PCSK5: variants seen among roughly 807,000 people sequenced by gnomAD.
PCSK5 encodes prohormone convertase 5.
Under a neutral mutation model 233.2 loss-of-function variants are expected in PCSK5, and 129 were observed. That is an observed-to-expected ratio of 0.55 (90% CI 0.48 to 0.64). The LOEUF (loss-of-function observed/expected upper bound fraction) is 0.64, where lower values mean the gene tolerates loss of function less well. Ranked by LOEUF, PCSK5 falls within the 30% of genes least tolerant of loss-of-function variation. PCSK5 has a pLI of 0.00. For missense variants in PCSK5, 2,076 were observed against 2,430.1 expected (o/e 0.85, Z 3.06); for synonymous variants, 825 against 879.2 (o/e 0.94, Z 1.09).
Position 76,296,813 on chromosome 9 carries a change from T to C in PCSK5, c.3471T>C (p.Arg1157=). 1 of 1,612,386 alleles carries C rather than the reference T, an allele frequency of 6.2e-7. No homozygotes were observed. The highest frequency in any genetic ancestry group is 8.5e-7 in the Non-Finnish European group (1 of 1,179,672). ...SSCQEGLQLL[R]GMCVHATKTQ... is the part of the protein sequence containing the mutation. ...GCCAGGAAGGACTGCAGCTGCTGCG[T>C]GGGATGTGCGTGCATGCCACCAAGA... Residue 1157 remains arginine, a synonymous_variant, in exon 27 of 38, where the codon CGT becomes CGC. Transcript: ENST00000674117.
chr9:75,946,213 A>G (rs75708096), intron 2 of PCSK5, among the ~76,000 whole-genome samples: 8,928 of 152,310 alleles, frequency 0.059, 841 homozygotes, highest in African/African-American at 0.2. Flanking sequence ...TCTAGTACTG[A>G]CATCATTTTA....
At chr9:76,076,226 G>C (rs1378667087) in intron 7 of PCSK5, among the ~76,000 whole-genome samples, 1 of 152,086 alleles carries the variant, frequency 6.6e-6, no homozygotes, top group Non-Finnish European at 1.5e-5. Context: ...GGTGCTGGGG[G>C]CAAGGTGGAA....
At chr9:75,936,093 C>T (rs779192273) in intron 2 of PCSK5, among the ~76,000 whole-genome samples, 4 of 152,226 alleles carry the variant, frequency 2.6e-5, no homozygotes, top group African/African-American at 7.2e-5. Context: ...AATAGCATTA[C>T]GTCTGAAAAA....
At chr9:75,921,010 AG>A (rs1368601654) in intron 1 of PCSK5, among the ~76,000 whole-genome samples, 1 of 152,146 alleles carries the variant, frequency 6.6e-6, no homozygotes, top group African/African-American at 2.4e-5. Context: ...GAAACATGCC[AG>A]TTAACATTAG....
intron 3 of PCSK5, among the ~76,000 whole-genome samples, chr9:75,994,272 GA>G (rs1382880994): frequency 6.6e-6 from 1 of 151,820 alleles, no homozygotes; most frequent in African/African-American, 2.4e-5. Context: ...TTTACCTCTT[GA>G]GTCAGTTGCC....
chr9:75,994,400 C>CTTTTTTTTTTTTTTTTTTTTTT (rs550518074), intron 3 of PCSK5, among the ~76,000 whole-genome samples: 13 of 82,044 alleles, frequency 1.6e-4, no homozygotes, highest in Non-Finnish European at 2.6e-4. Flanking sequence ...TTCTTTCTTT[C>CTTTTTTTTTTTTTTTTTTTTTT]TTTTTTTTTT....
At chr9:76,035,651 T>C (rs1445778369) in intron 5 of PCSK5, among the ~76,000 whole-genome samples, 1 of 152,182 alleles carries the variant, frequency 6.6e-6, no homozygotes, top group African/African-American at 2.4e-5. Context: ...TTACAGCAGA[T>C]GGAAATCGCA....
At chr9:76,136,100 A>G (rs781533804) in intron 10 of PCSK5, among the ~76,000 whole-genome samples, 1 of 152,022 alleles carries the variant, frequency 6.6e-6, no homozygotes, top group African/African-American at 2.4e-5. Context: ...AAGAGTAACA[A>G]TTAAAGTTTG....
chr9:75,918,883 C>A (rs1823120469), intron 1 of PCSK5, among the ~76,000 whole-genome samples: 1 of 152,146 alleles, frequency 6.6e-6, no homozygotes, highest in Non-Finnish European at 1.5e-5. Context: ...CAAATAACTT[C>A]TTAATGTTTT....
chr9:76,246,787 A>G (rs1258774690), intron 24 of PCSK5, among the ~76,000 whole-genome samples: 1 of 152,226 alleles, frequency 6.6e-6, no homozygotes, highest in Non-Finnish European at 1.5e-5. Context: ...TGGTGATTTC[A>G]TGACACACTG....
At chr9:76,129,642 A>G (rs1564048870) in intron 9 of PCSK5, among the ~76,000 whole-genome samples, 1 of 152,150 alleles carries the variant, frequency 6.6e-6, no homozygotes, top group Non-Finnish European at 1.5e-5. Context: ...TTTAAAGACC[A>G]CCAGACACAG....
At chr9:76,009,767 A>G (rs985584508) in intron 3 of PCSK5, among the ~76,000 whole-genome samples, 1 of 152,242 alleles carries the variant, frequency 6.6e-6, no homozygotes, top group Non-Finnish European at 1.5e-5. Context: ...TACATGGAGC[A>G]ATCACAAAAG....
Position 76,358,727 on chromosome 9 carries a change from T to C in PCSK5, c.5469T>C (p.Tyr1823=), listed in dbSNP as rs1830366170. The C allele has an allele frequency of 6.2e-7, 1 of 1,612,776 alleles. No homozygotes were observed. Among genetic ancestry groups the C allele is most frequent in the South Asian group, 1.1e-5 (1 of 91,058 alleles). The change falls in exon 38 of 38, where the codon TAT becomes TAC. Residue 1823 remains tyrosine (Y), a synonymous_variant. Transcript: ENST00000674117. ...CTTACTCCTCCTATAAGAGCAGCTA[T>C]AGAGAGAGCACCAGCTTTGAAGAGG... The part of the protein sequence containing the change: ...NKSYSSYKSS[Y]RESTSFEEDQ...
chr9:76,101,620 A>G (rs370405848), intron 8 of PCSK5, among the ~76,000 whole-genome samples: 2 of 152,142 alleles, frequency 1.3e-5, no homozygotes, highest in African/African-American at 2.4e-5. Context: ...TGATTGGGAC[A>G]TAGGGTTTCT....
chr9:76,194,329 A>C (rs1393876399), intron 20 of PCSK5: 1 of 152,228 alleles, frequency 6.6e-6, no homozygotes, highest in Non-Finnish European at 1.5e-5. Context: ...TGGAGTCAAA[A>C]GTTCCCAAGA....
At chr9:75,912,976 T>TCTTA (rs1166084873) in intron 1 of PCSK5, among the ~76,000 whole-genome samples, 4 of 152,200 alleles carry the variant, frequency 2.6e-5, no homozygotes, top group Non-Finnish European at 5.9e-5. Flanking sequence ...TTGGAACTCT[T>TCTTA]CTTACTTAAC....
At chr9:75,922,766 A>G (rs1036338375) in intron 1 of PCSK5, among the ~76,000 whole-genome samples, 2 of 152,200 alleles carry the variant, frequency 1.3e-5, no homozygotes, top group African/African-American at 4.8e-5. Context: ...GGCAAATCTC[A>G]TGTCCCTTGT....
intron 35 of PCSK5, among the ~76,000 whole-genome samples, chr9:76,339,728 A>AGAGGC (rs1183318462): frequency 6.6e-6 from 1 of 152,068 alleles, no homozygotes; most frequent in Non-Finnish European, 1.5e-5. Flanking sequence ...TATTTTTAGT[A>AGAGGC]GAGGCAGGGT....
intron 20 of PCSK5, among the ~76,000 whole-genome samples, chr9:76,203,104 CT>C (rs1824980603): frequency 6.6e-6 from 1 of 152,174 alleles, no homozygotes; most frequent in Non-Finnish European, 1.5e-5. Flanking sequence ...TCAGTTTCCC[CT>C]TCTTCAGCAT....
Sources: gnomAD v4.1 joint callset for allele counts (sites outside exome capture counted in the v4.1 genomes callset) on GRCh38, gnomAD v4.1.1 for gene constraint, MANE v1.5 for transcripts, NCBI Gene and HGNC (gene_info 2026-07-23, HGNC 2026-07-21) for gene names.